Variants in FAM234A observed in about 807,000 individuals in gnomAD.
The protein encoded by FAM234A is family with sequence similarity 234 member A, also known as protein FAM234A.
FAM234A carries 42 observed loss-of-function variants against 49.1 expected under a neutral mutation model. The observed-to-expected ratio is 0.86, with a 90% CI of 0.67 to 1.11. The LOEUF is 1.11. Among genes scored for constraint, FAM234A ranks in the 50% least tolerant of loss-of-function variants. The pLI is 0.00. For missense variants in FAM234A, 815 were observed against 745.2 expected (o/e 1.09, Z -1.09); for synonymous variants, 369 against 316.2 (o/e 1.17, Z -1.77).
intron 9 of FAM234A, 125 bp downstream of exon 9, chr16:263,527 C>G: frequency 7.1e-7 from 1 of 1,401,658 alleles, no homozygotes; most frequent in Non-Finnish European, 9.7e-7. Context: ...GCTGCCCGGG[C>G]TTCTTGCCTG....
rs2051653345 is a variant in FAM234A at position 265,252 on chromosome 16, A to C, written c.*230A>C. ...CGCCCAGCATCCTCCCTGAGTCCCC[A>C]CACAGGGCCTCACTCTGCACCCCAC... is the stretch of plus-strand genomic sequence containing the variant. On this transcript the variant is annotated 3_prime_UTR_variant, in exon 13 of 13. Transcript: ENST00000399932. The C allele has an allele frequency of 7.3e-7, 1 of 1,361,896 alleles. No individual in the cohort carries two copies. Among genetic ancestry groups the C allele is most frequent in the African/African-American group, 1.5e-5 (1 of 68,294 alleles). 84.4% of individuals were successfully genotyped at this position (1,361,896 alleles called of 1,614,324 possible). A position where few individuals can be genotyped will look rare whatever the true frequency, so the allele number is the denominator to read the frequency against.
chr16:236,342 T>G (rs2050398534), intron 1 of FAM234A, among the ~76,000 whole-genome samples: 1 of 151,744 alleles, frequency 6.6e-6, no homozygotes, highest in Admixed American at 6.6e-5. Flanking sequence ...AAATTTTTTT[T>G]GGGTGGGCGC....
intron 1 of FAM234A, among the ~76,000 whole-genome samples, chr16:246,303 C>T (rs1416100613): frequency 3.6e-5 from 5 of 140,116 alleles, no homozygotes; most frequent in Admixed American, 7.3e-5. Flanking sequence ...TTTTTTGTGA[C>T]GAGGTCTCAC....
At chr16:243,305 T>G (rs2050683649) in intron 1 of FAM234A, among the ~76,000 whole-genome samples, 1 of 152,042 alleles carries the variant, frequency 6.6e-6, no homozygotes, top group Admixed American at 6.6e-5. Flanking sequence ...GGTTATTAGC[T>G]TGTTGAGTTC....
At chr16:239,546 C>T (rs1245614665) in intron 1 of FAM234A, among the ~76,000 whole-genome samples, 2 of 147,702 alleles carry the variant, frequency 1.4e-5, no homozygotes, top group African/African-American at 2.5e-5. Flanking sequence ...ACCCAGGAGG[C>T]GGAGCTTGCA....
downstream of FAM234A, among the ~76,000 whole-genome samples, chr16:266,404 C>G (rs1038549140): frequency 6.6e-6 from 1 of 152,188 alleles, no homozygotes; most frequent in Non-Finnish European, 1.5e-5. Context: ...CTCGGCACCG[C>G]GTGACGTCTG....
intron 2 of FAM234A, 24 bp from the exon 3 acceptor site, chr16:254,357 C>A: frequency 6.3e-7 from 1 of 1,593,508 alleles, no homozygotes; most frequent in Non-Finnish European, 8.6e-7. Flanking sequence ...CTGGCCTCGC[C>A]GACCTCTTGC....
intron 2 of FAM234A, among the ~76,000 whole-genome samples, chr16:252,045 G>A (rs191694908): frequency 1.9e-4 from 28 of 149,608 alleles, no homozygotes; most frequent in African/African-American, 6.1e-4. Context: ...CTGTTGCCCA[G>A]GCTAGAGTGC....
chr16:263,496 TG>T, intron 9 of FAM234A, 94 bp downstream of exon 9: 1 of 1,531,010 alleles, frequency 6.5e-7, no homozygotes, highest in Non-Finnish European at 8.8e-7. Context: ...GCGCTGGGGG[TG>T]GGGCCGGAGG....
chr16:235,110 C>T (rs1159550766), intron 1 of FAM234A, among the ~76,000 whole-genome samples: 4 of 152,266 alleles, frequency 2.6e-5, no homozygotes, highest in Admixed American at 1.3e-4. Flanking sequence ...CCCATTGCCG[C>T]AGCCTGGGTT....
At chr16:251,925 C>T (rs562824823) in intron 2 of FAM234A, among the ~76,000 whole-genome samples, 48 of 143,694 alleles carry the variant, frequency 3.3e-4, no homozygotes, top group African/African-American at 1.0e-3. Context: ...ATGGTGTGAA[C>T]GGGGGAGGCA....
At chr16:259,634 C>T in intron 4 of FAM234A, 35 bp downstream of exon 4, 1 of 1,314,198 alleles carries the variant, frequency 7.6e-7, no homozygotes, top group South Asian at 1.2e-5. Context: ...GCGGAGCTCC[C>T]TGTAGAAAGA....
chr16:251,691 T>TTTG (rs2141259310), intron 2 of FAM234A, among the ~76,000 whole-genome samples: 1 of 143,350 alleles, frequency 7.0e-6, no homozygotes, highest in African/African-American at 2.7e-5. Context: ...TTTTTTTTTT[T>TTTG]TTTTTTTTTT....
intron 12 of FAM234A, 30 bp from the exon 13 acceptor site, chr16:264,781 G>A (rs9924561): frequency 4.2e-5 from 68 of 1,606,170 alleles, no homozygotes; most frequent in Non-Finnish European, 5.0e-5. Context: ...GTCCTGAGCC[G>A]CCCTGACAGC....
At chr16:243,888 G>T (rs2050701027) in intron 1 of FAM234A, among the ~76,000 whole-genome samples, 1 of 152,100 alleles carries the variant, frequency 6.6e-6, no homozygotes, top group Non-Finnish European at 1.5e-5. Flanking sequence ...TTTAAACTCT[G>T]GCATTTGCTC....
chr16:264,583 G>C, intron 11 of FAM234A, 31 bp from the exon 12 acceptor site: 10 of 1,442,836 alleles, frequency 6.9e-6, no homozygotes, highest in Non-Finnish European at 8.7e-6. Flanking sequence ...TCAGTGAAGG[G>C]CGTGGGGCCC....
chr16:261,191 G>A (rs994486919), intron 5 of FAM234A, 193 bp from the exon 6 acceptor site: 96 of 584,434 alleles, frequency 1.6e-4, no homozygotes, highest in Non-Finnish European at 2.3e-4. Context: ...CACCACCTCC[G>A]CGTGCTGCTC....
chr16:251,207 T>C (rs946936097), intron 2 of FAM234A, among the ~76,000 whole-genome samples: 8 of 152,156 alleles, frequency 5.3e-5, no homozygotes, highest in Non-Finnish European at 1.2e-4. Context: ...CCTCCCGCCT[T>C]GGCCTCTCAA....
At position 264,725 on chromosome 16, in the gene FAM234A, G is replaced by A; in HGVS notation, c.1447+9G>A. On this transcript the variant is annotated intron_variant, in intron 12 of 12. Coordinates refer to ENST00000399932, the MANE Select transcript of FAM234A (RefSeq NM_032039.4). ...CATTGTCGCCTTTGACGGTGAGTGT[G>A]GCCTCGGCCAGGGACCCGGGTGTTC... The A allele has an allele frequency of 6.2e-7, 1 of 1,610,398 alleles. No homozygotes were observed. The highest frequency in any genetic ancestry group is 8.5e-7 in the Non-Finnish European group (1 of 1,179,400).
Sources: allele counts gnomAD v4.1 joint callset (sites outside exome capture counted in the v4.1 genomes callset), GRCh38; gene constraint gnomAD v4.1.1; transcripts MANE v1.5; gene names NCBI Gene and HGNC (gene_info 2026-07-23, HGNC 2026-07-21).